Variants in EPG5 observed in about 807,000 individuals in gnomAD.
The protein encoded by EPG5 is ectopic P-granules 5 autophagy tethering factor.
Under a neutral mutation model 302.7 loss-of-function variants are expected in EPG5, and 159 were observed. The observed-to-expected ratio is 0.53, with a 90% CI of 0.46 to 0.60. EPG5 has a LOEUF of 0.60. Ranked by LOEUF, EPG5 falls within the 20% of genes least tolerant of loss-of-function variation. The probability of loss-of-function intolerance (pLI) is 0.00; values close to 1 mark genes in which losing one functional copy is unlikely to be tolerated. For synonymous variants in EPG5, 1,158 were observed against 1,136.8 expected, an observed-to-expected ratio of 1.02 and a Z score of -0.37; for missense variants, 2,896 against 3,092.4, an observed-to-expected ratio of 0.94 and a Z score of 1.51.
chr18:45,845,639 C>T (rs564863111), downstream of EPG5, among the ~76,000 whole-genome samples: 40 of 152,332 alleles, frequency 2.6e-4, no homozygotes, highest in Non-Finnish European at 1.3e-4. Context: ...GGCACGGAGT[C>T]AAGGAGAGAA....
At position 45,882,434 on chromosome 18, in the gene EPG5, G is replaced by A; in HGVS notation, c.5358C>T (p.Thr1786=). The A allele has an allele frequency of 6.2e-7, 1 of 1,614,104 alleles. No homozygotes were observed. The highest frequency in any genetic ancestry group is 2.2e-5 in the East Asian group (1 of 44,882). Residue 1786 remains threonine, a synonymous_variant, in exon 31 of 44, where the codon ACC becomes ACT. Transcript: ENST00000282041. ...CCAAGTGAATGGACTCCAGAAGCCTGGTACGATCAGACAGAGGAGGTTTAG... is the reference window on the plus strand; with the variant it reads ...CCAAGTGAATGGACTCCAGAAGCCTAGTACGATCAGACAGAGGAGGTTTAG... ...SATKPPLSDR[T]RLLESIHLAL...
At chr18:45,870,540 C>A (rs1342035409) in intron 36 of EPG5, 27 bp downstream of exon 36, 1 of 1,605,242 alleles carries the variant, frequency 6.2e-7, no homozygotes, top group Non-Finnish European at 8.5e-7. Flanking sequence ...TCTCTCTAGG[C>A]TGCGATGCCG....
At chr18:45,881,735 G>C (rs558686320) in intron 31 of EPG5, among the ~76,000 whole-genome samples, 1 of 152,248 alleles carries the variant, frequency 6.6e-6, no homozygotes, top group African/African-American at 2.4e-5. Flanking sequence ...AACAGAAGTG[G>C]CAGGAATGTG....
At chr18:45,891,154 C>T (rs937175824) in intron 27 of EPG5, among the ~76,000 whole-genome samples, 4 of 152,094 alleles carry the variant, frequency 2.6e-5, no homozygotes, top group Non-Finnish European at 5.9e-5. Flanking sequence ...ACCTGAGGCT[C>T]TTATGTCACT....
At chr18:45,903,174 G>A (rs1322738766) in intron 25 of EPG5, among the ~76,000 whole-genome samples, 1 of 151,960 alleles carries the variant, frequency 6.6e-6, no homozygotes, top group East Asian at 1.9e-4. Context: ...GTTGGCTTGA[G>A]GGCAATTTTC....
At chr18:45,854,190 T>C (rs76556193) in intron 43 of EPG5, among the ~76,000 whole-genome samples, 4 of 152,210 alleles carry the variant, frequency 2.6e-5, no homozygotes, top group Admixed American at 6.5e-5. Flanking sequence ...GGATGTTTCA[T>C]GTAAGACAAT....
In EPG5 at chr18:45,946,736, G is replaced by C; in HGVS notation, c.1604C>G (p.Pro535Arg). Residue 535 changes from proline to arginine, a missense_variant, in exon 7 of 44, where the codon CCC becomes CGC. This residue lies in a region of EPG5 where 1,390 missense variants were observed against 1,430.0 expected (regional missense o/e 0.97). Coordinates refer to ENST00000282041, the MANE Select transcript of EPG5 (RefSeq NM_020964.3). ...TGAGGAGGATGGCTTCCGCTCGCTG[G>C]GCTTCATGTGGCACATAAACTCAGC... ...NRAEFMCHMK[P>R]SERKPSSSGP... is the part of the protein sequence containing the mutation. 1.2e-6 allele frequency: 2 copies of C among 1,614,124 alleles called. No individual in the cohort carries two copies. Among genetic ancestry groups the C allele is most frequent in the Non-Finnish European group, 1.7e-6 (2 of 1,180,040 alleles).
intron 27 of EPG5, among the ~76,000 whole-genome samples, chr18:45,893,328 G>A (rs948560623): frequency 6.6e-6 from 1 of 152,158 alleles, no homozygotes; most frequent in African/African-American, 2.4e-5. Context: ...ACTTTGGGAG[G>A]CCAAGGTGGG....
chr18:45,819,765 CGTT>C, the EPG5 span, among the ~76,000 whole-genome samples: 549 of 152,222 alleles, frequency 3.6e-3, 4 homozygotes, highest in African/African-American at 0.013. Flanking sequence ...CTTGAACTCA[CGTT>C]GTTTTTTCTG....
chr18:45,946,579 A>G, intron 7 of EPG5, 84 bp downstream of exon 7: 1 of 974,126 alleles, frequency 1.0e-6, no homozygotes, highest in East Asian at 2.4e-5. Flanking sequence ...ATGAGATACT[A>G]TGTGAAAAGT....
chr18:45,829,745 G>A, the EPG5 span, among the ~76,000 whole-genome samples: 4 of 152,130 alleles, frequency 2.6e-5, no homozygotes, highest in African/African-American at 9.7e-5. Flanking sequence ...GCCATGTGGT[G>A]GTGGCAGGGG....
At chr18:45,828,882 G>A in the EPG5 span, among the ~76,000 whole-genome samples, 1 of 152,244 alleles carries the variant, frequency 6.6e-6, no homozygotes, top group Non-Finnish European at 1.5e-5. Context: ...TCGGGACACA[G>A]GCAAAGGTCA....
intron 7 of EPG5, among the ~76,000 whole-genome samples, chr18:45,946,250 T>A (rs1051783716): frequency 3.9e-5 from 6 of 152,218 alleles, no homozygotes; most frequent in African/African-American, 1.4e-4. Context: ...AAGCTCCAGC[T>A]CTTTATTTCT....
intron 16 of EPG5, 27 bp downstream of exon 16, chr18:45,922,314 C>T (rs1232695631): frequency 6.2e-7 from 1 of 1,610,796 alleles, no homozygotes; most frequent in Admixed American, 1.7e-5. Context: ...GGTTCAGTAA[C>T]CCTAGTGGTT....
the EPG5 span, among the ~76,000 whole-genome samples, chr18:45,806,624 T>C: frequency 3.4e-5 from 5 of 148,784 alleles, no homozygotes; most frequent in Non-Finnish European, 7.4e-5. Context: ...AGAAGACTAA[T>C]ACAGGAGAAG....
rs201985053 is a variant in EPG5, at chr18:45,938,461, CAAAAAAAA to C, written c.2099+1131_2099+1138del. 6.5e-4 allele frequency among the ~76,000 whole-genome samples: 58 copies of C among 88,648 alleles called. No homozygotes were observed. The South Asian group carries it at 0.018, about 27-fold the overall frequency. The allele number at this position is 88,648 out of a possible 152,430, so 58.2% of individuals were successfully genotyped here. A position where few individuals can be genotyped will look rare whatever the true frequency, so the allele number is the denominator to read the frequency against. ...TGGGCAACAAAGTGAGACTCCATCTCAAAAAAAAAAAAAAAAAGATAAATTTCTATACC... is the reference window on the plus strand; with the variant it reads ...TGGGCAACAAAGTGAGACTCCATCTCAAAAAAAAAGATAAATTTCTATACC... On this transcript the variant is annotated intron_variant, in intron 10 of 43. Transcript: ENST00000282041.
chr18:45,802,023 T>G, the EPG5 span, among the ~76,000 whole-genome samples: 1 of 152,156 alleles, frequency 6.6e-6, no homozygotes. Flanking sequence ...GGTTTTGTCC[T>G]GTGGCACCTC....
rs1005225312 is a variant in EPG5, at chr18:45,943,932, G to A, written c.1792+73C>T. On this transcript the variant is annotated intron_variant, in intron 8 of 43. Coordinates refer to ENST00000282041, the MANE Select transcript of EPG5 (RefSeq NM_020964.3). ...CAAGACTCCATCTCAAAAAAAAAAA[G>A]AAGACTCAATGCAGAGTTCCTGTGT... The A allele has an allele frequency of 7.0e-4, 637 of 909,664 alleles. No homozygotes were observed. The African/African-American group carries it at 9.4e-3, about 13-fold the overall frequency. The allele number at this position is 909,664 out of a possible 1,614,324, so 56.3% of individuals were successfully genotyped here. A position where few individuals can be genotyped will look rare whatever the true frequency, so the allele number is the denominator to read the frequency against.
chr18:45,853,635 T>C (rs531680605), intron 43 of EPG5, among the ~76,000 whole-genome samples: 1 of 152,282 alleles, frequency 6.6e-6, no homozygotes, highest in East Asian at 1.9e-4. Flanking sequence ...GGAATGTGCT[T>C]GATTCAAAAA....
Sources: gnomAD v4.1 joint callset for allele counts (sites outside exome capture counted in the v4.1 genomes callset) on GRCh38, gnomAD v4.1.1 for gene constraint, gnomAD v4.1.1 regional missense constraint, MANE v1.5 for transcripts, NCBI Gene and HGNC (gene_info 2026-07-23, HGNC 2026-07-21) for gene names.